KCTD20: variants seen among roughly 807,000 people sequenced by gnomAD.
KCTD20 encodes potassium channel tetramerization domain containing 20, also known as BTB/POZ domain-containing protein KCTD20.
Under a neutral mutation model 39.6 loss-of-function variants are expected in KCTD20, and 30 were observed. The ratio of observed to expected loss-of-function variants is 0.76; its 90% CI spans 0.57 to 1.03. The LOEUF is 1.03. KCTD20 is among the 50% of genes least tolerant of loss of function. The probability of loss-of-function intolerance (pLI) is 0.00; values close to 1 mark genes in which losing one functional copy is unlikely to be tolerated. For synonymous variants in KCTD20, 162 were observed against 180.6 expected, an observed-to-expected ratio of 0.90 and a Z score of 0.83; for missense variants, 422 against 522.0, an observed-to-expected ratio of 0.81 and a Z score of 1.87.
intron 6 of KCTD20, among the ~76,000 whole-genome samples, chr6:36,482,132 C>T (rs1337315269): frequency 6.6e-6 from 1 of 152,220 alleles, no homozygotes; most frequent in African/African-American, 2.4e-5. Flanking sequence ...TCCAGTTTTG[C>T]TTCTCAATTT....
chr6:36,449,891 G>A (rs1323706658), intron 1 of KCTD20, among the ~76,000 whole-genome samples: 7 of 152,118 alleles, frequency 4.6e-5, no homozygotes, highest in African/African-American at 1.4e-4. Flanking sequence ...GTGGCCGGGC[G>A]CGGTGGCTCA....
At chr6:36,470,631 C>G (rs1775884525) in intron 2 of KCTD20, among the ~76,000 whole-genome samples, 1 of 151,896 alleles carries the variant, frequency 6.6e-6, no homozygotes, top group African/African-American at 2.4e-5. Context: ...GAGATGGGGT[C>G]TCACTCTTCA....
chr6:36,444,560 A>C (rs1187460169), intron 1 of KCTD20, among the ~76,000 whole-genome samples: 1 of 152,020 alleles, frequency 6.6e-6, no homozygotes, highest in Non-Finnish European at 1.5e-5. Flanking sequence ...CTCCCCATGG[A>C]ACCAGGGCAG....
chr6:36,455,887 A>C (rs1309146842), intron 1 of KCTD20, among the ~76,000 whole-genome samples: 1 of 152,130 alleles, frequency 6.6e-6, no homozygotes, highest in Non-Finnish European at 1.5e-5. Flanking sequence ...GTAACTATAG[A>C]CTGTAATTGT....
intron 1 of KCTD20, among the ~76,000 whole-genome samples, chr6:36,447,176 T>C (rs1385113834): frequency 6.6e-6 from 1 of 152,184 alleles, no homozygotes; most frequent in African/African-American, 2.4e-5. Context: ...ATTTACTAGG[T>C]TGGATAAAGT....
chr6:36,481,873 T>C (rs1401394454), intron 6 of KCTD20, 114 bp downstream of exon 6: 1 of 855,174 alleles, frequency 1.2e-6, no homozygotes, highest in African/African-American at 1.7e-5. Context: ...ATGAGCACAC[T>C]CACCTGGATG....
intron 1 of KCTD20, among the ~76,000 whole-genome samples, chr6:36,468,087 T>C (rs571553837): frequency 1.1e-4 from 16 of 152,356 alleles, no homozygotes; most frequent in African/African-American, 3.6e-4. Context: ...TTGCATTATC[T>C]ATAAGGTTTG....
Position 36,477,160 on chromosome 6 carries a change from G to A in KCTD20, c.435-1961G>A, listed in dbSNP as rs151165776. On this transcript the variant is annotated intron_variant, in intron 3 of 7. Transcript: ENST00000373731. Reference sequence around the variant, plus strand: ...GCTACCTGTCCTATGATTATATACAGTACTTGTAAGCCTAGCCAGTGAGCT... The same window carrying A: ...GCTACCTGTCCTATGATTATATACAATACTTGTAAGCCTAGCCAGTGAGCT... 4.2e-3 allele frequency among the ~76,000 whole-genome samples: 633 copies of A among 152,296 alleles called. 4 individuals are homozygous for A. Among genetic ancestry groups the A allele is most frequent in the Middle Eastern group, 0.017 (5 of 294 alleles).
At chr6:36,470,326 G>T (rs192595172) in intron 2 of KCTD20, 69 bp downstream of exon 2, 137 of 1,367,816 alleles carry the variant, frequency 1.0e-4, no homozygotes, top group Middle Eastern at 2.4e-4. Flanking sequence ...CTACCCAGAA[G>T]GCATGAATGT....
At chr6:36,445,211 G>A (rs1420419567) in intron 1 of KCTD20, among the ~76,000 whole-genome samples, 3 of 141,932 alleles carry the variant, frequency 2.1e-5, no homozygotes, top group African/African-American at 7.9e-5. Context: ...GCAGTGAGCC[G>A]AGATCGCGCC....
intron 3 of KCTD20, among the ~76,000 whole-genome samples, chr6:36,476,549 C>T (rs747192158): frequency 6.6e-6 from 1 of 151,870 alleles, no homozygotes; most frequent in Non-Finnish European, 1.5e-5. Flanking sequence ...CGTGCCTCAG[C>T]CTCCCAAGTA....
At chr6:36,471,409 T>C (rs867252503) in intron 2 of KCTD20, among the ~76,000 whole-genome samples, 3 of 152,224 alleles carry the variant, frequency 2.0e-5, no homozygotes, top group Non-Finnish European at 4.4e-5. Context: ...ATCATGTCCA[T>C]ATTGTCTATG....
At chr6:36,478,101 A>AAAAAAAAAAAAAAG (rs112536319) in intron 3 of KCTD20, among the ~76,000 whole-genome samples, 8 of 145,680 alleles carry the variant, frequency 5.5e-5, no homozygotes, top group East Asian at 2.1e-4. Context: ...TCTCAAAAAA[A>AAAAAAAAAAAAAAG]AAAAGAAAAG....
At position 36,479,103 on chromosome 6, in the gene KCTD20, T is replaced by C; in HGVS notation, c.435-18T>C. The C allele has an allele frequency of 6.7e-7, 1 of 1,493,442 alleles. No individual in the cohort carries two copies. Among genetic ancestry groups the C allele is most frequent in the Middle Eastern group, 1.7e-4 (1 of 5,826 alleles). 92.5% of individuals were successfully genotyped at this position (1,493,442 alleles called of 1,614,324 possible). On this transcript the variant is annotated intron_variant, in intron 3 of 7. Transcript: ENST00000373731. Reference sequence around the variant, plus strand: ...ATCATGATGGAGAAGATAACATTATTGCCTGGATATCTTTCAGGATGTTTG... The same window carrying C: ...ATCATGATGGAGAAGATAACATTATCGCCTGGATATCTTTCAGGATGTTTG...
intron 6 of KCTD20, among the ~76,000 whole-genome samples, chr6:36,484,165 A>G (rs561188545): frequency 6.6e-6 from 1 of 152,040 alleles, no homozygotes; most frequent in African/African-American, 2.4e-5. Context: ...CCAACTCCCA[A>G]CCTCAACTGA....
intron 1 of KCTD20, among the ~76,000 whole-genome samples, chr6:36,467,302 C>A (rs1449649227): frequency 1.6e-5 from 2 of 127,262 alleles, no homozygotes; most frequent in Non-Finnish European, 3.2e-5. Context: ...GTGAAAGACT[C>A]CGAAAATCCT....
intron 7 of KCTD20, among the ~76,000 whole-genome samples, chr6:36,485,634 C>T (rs773714647): frequency 2.6e-5 from 4 of 151,958 alleles, no homozygotes; most frequent in Admixed American, 6.6e-5. Context: ...GCTGGGACTA[C>T]AGGCACCCGC....
At chr6:36,443,229 C>T in intron 1 of KCTD20, 118 bp downstream of exon 1, 1 of 152,454 alleles carries the variant, frequency 6.6e-6, no homozygotes, top group Non-Finnish European at 1.5e-5. Flanking sequence ...GACGCGGCGG[C>T]GGTTCGGACC....
rs545378814 is a variant in KCTD20 at position 36,459,368 on chromosome 6, GCCTTACAC to G, written c.-46-10683_-46-10676del. Among the ~76,000 whole-genome samples the G allele has an allele frequency of 7.2e-5, 11 of 152,316 alleles. 1 individual carries two copies. In the South Asian group the frequency reaches 2.3e-3, roughly 32 times the overall value. Reference sequence around the variant, plus strand: ...ACAAAGGATAGCCCTTCCCAAGGAAGCCTTACACTATATACCATAATTTTTCACTTCAT... The same window carrying G: ...ACAAAGGATAGCCCTTCCCAAGGAAGTATATACCATAATTTTTCACTTCAT... On this transcript the variant is annotated intron_variant, in intron 1 of 7. Transcript: ENST00000373731.
Sources: gnomAD v4.1 joint callset for allele counts (sites outside exome capture counted in the v4.1 genomes callset) on GRCh38, gnomAD v4.1.1 for gene constraint, MANE v1.5 for transcripts, NCBI Gene and HGNC (gene_info 2026-07-23, HGNC 2026-07-21) for gene names.